SLC14A2: variants seen among roughly 807,000 people sequenced by gnomAD.
SLC14A2 encodes the protein urea transporter 2.
Under a neutral mutation model 104.6 loss-of-function variants are expected in SLC14A2, and 91 were observed. That is an observed-to-expected ratio of 0.87 (90% CI 0.73 to 1.04). The LOEUF is 1.04. Ranked by LOEUF, SLC14A2 falls within the 50% of genes least tolerant of loss-of-function variation. The pLI, the probability that SLC14A2 is intolerant of heterozygous loss-of-function variation, is 0.00. For synonymous variants in SLC14A2, 476 were observed against 466.4 expected, an observed-to-expected ratio of 1.02 and a Z score of -0.27; for missense variants, 1,189 against 1,156.0, an observed-to-expected ratio of 1.03 and a Z score of -0.41.
intron 1 of SLC14A2, among the ~76,000 whole-genome samples, chr18:45,426,596 C>A (rs947800282): frequency 1.3e-5 from 2 of 148,894 alleles, no homozygotes; most frequent in Non-Finnish European, 3.0e-5. Context: ...TATATATACA[C>A]ACATATATGT....
At chr18:45,606,230 C>T (rs1343225066) in intron 2 of SLC14A2, among the ~76,000 whole-genome samples, 1 of 152,152 alleles carries the variant, frequency 6.6e-6, no homozygotes, top group Non-Finnish European at 1.5e-5. Context: ...TATTCCATCC[C>T]TCCCCTCCTC....
At chr18:45,261,911 G>C (rs1008745210) in intron 1 of SLC14A2, among the ~76,000 whole-genome samples, 1 of 152,120 alleles carries the variant, frequency 6.6e-6, no homozygotes, top group Non-Finnish European at 1.5e-5. Flanking sequence ...ATAATCCTTT[G>C]GGTATATACC....
chr18:45,666,044 T>C, intron 11 of SLC14A2, 93 bp from the exon 12 acceptor site: 1 of 863,620 alleles, frequency 1.2e-6, no homozygotes, highest in South Asian at 1.4e-5. Context: ...TACTGCATAA[T>C]CTTAACACCT....
At chr18:45,382,054 T>C (rs540538159) in intron 1 of SLC14A2, among the ~76,000 whole-genome samples, 2 of 152,286 alleles carry the variant, frequency 1.3e-5, no homozygotes, top group East Asian at 3.9e-4. Flanking sequence ...CAACCCAATA[T>C]TCAGGGCCTC....
intron 5 of SLC14A2, among the ~76,000 whole-genome samples, chr18:45,635,142 T>G (rs565709039): frequency 6.6e-6 from 1 of 152,210 alleles, no homozygotes; most frequent in South Asian, 2.1e-4. Flanking sequence ...AGGATACAAA[T>G]CAAGAATTCT....
chr18:45,299,636 A>G (rs1260718546), intron 1 of SLC14A2, among the ~76,000 whole-genome samples: 1 of 152,092 alleles, frequency 6.6e-6, no homozygotes, highest in Admixed American at 6.5e-5. Context: ...TAATTTTTGT[A>G]TTTTTAGTAG....
chr18:45,654,783 A>G (rs576314992), intron 10 of SLC14A2, among the ~76,000 whole-genome samples: 1 of 152,284 alleles, frequency 6.6e-6, no homozygotes, highest in Admixed American at 6.5e-5. Context: ...CTGATGAAAC[A>G]GGCTCATCCA....
intron 2 of SLC14A2, among the ~76,000 whole-genome samples, chr18:45,596,782 A>G (rs1174949636): frequency 1.3e-5 from 2 of 152,242 alleles, no homozygotes; most frequent in Admixed American, 1.3e-4. Context: ...TAATACAGCT[A>G]CAAAGTACCT....
At chr18:45,208,159 A>G (rs1481734519), upstream of SLC14A2, among the ~76,000 whole-genome samples, 1 of 152,218 alleles carries the variant, frequency 6.6e-6, no homozygotes, top group Non-Finnish European at 1.5e-5. Context: ...TCACAAGCCC[A>G]TGGGCACCTA....
chr18:45,483,799 T>A (rs1471066437), intron 2 of SLC14A2, among the ~76,000 whole-genome samples: 4 of 152,192 alleles, frequency 2.6e-5, no homozygotes. Flanking sequence ...TAAGGTCACT[T>A]GCTGATAAAA....
intron 1 of SLC14A2, among the ~76,000 whole-genome samples, chr18:45,255,601 G>A (rs2084469256): frequency 2.0e-5 from 3 of 152,174 alleles, no homozygotes; most frequent in African/African-American, 7.2e-5. Flanking sequence ...ATCTCAAGAT[G>A]TTAGAGTCAA....
intron 1 of SLC14A2, among the ~76,000 whole-genome samples, chr18:45,407,536 C>G (rs1358255601): frequency 1.3e-5 from 2 of 152,184 alleles, no homozygotes; most frequent in African/African-American, 4.8e-5. Context: ...AAGAACTTTT[C>G]CTTTGCATTT....
intron 1 of SLC14A2, among the ~76,000 whole-genome samples, chr18:45,241,677 C>T (rs1302763293): frequency 9.2e-6 from 1 of 108,892 alleles, no homozygotes; most frequent in Non-Finnish European, 1.8e-5. Flanking sequence ...GAGTTTCACT[C>T]TTGTTGCCCA....
rs1397689580 is a variant in SLC14A2, at chr18:45,356,414, C to A, written c.-124-126819C>A. 2.0e-5 allele frequency among the ~76,000 whole-genome samples: 3 copies of A among 152,188 alleles called. No homozygotes were observed. In the East Asian group the frequency reaches 5.8e-4, roughly 29 times the overall value. ...TAAACAGCAAAACCCATCCAACAGACTTTTATCTTATTTAGGGAATTTCCC... is the reference window on the plus strand; with the variant it reads ...TAAACAGCAAAACCCATCCAACAGAATTTTATCTTATTTAGGGAATTTCCC... On this transcript the variant is annotated intron_variant, in intron 1 of 20. Transcript: ENST00000586448.
intron 2 of SLC14A2, among the ~76,000 whole-genome samples, chr18:45,564,720 G>A (rs917463277): frequency 1.3e-5 from 2 of 152,110 alleles, no homozygotes; most frequent in African/African-American, 2.4e-5. Flanking sequence ...ACACGTGACT[G>A]TGTACGTGCA....
chr18:45,393,957 C>G (rs11875263), intron 1 of SLC14A2, among the ~76,000 whole-genome samples: 4 of 152,096 alleles, frequency 2.6e-5, no homozygotes, highest in Non-Finnish European at 5.9e-5. Context: ...GAGATGGGAT[C>G]CAGATTCAGG....
At chr18:45,281,463 C>T (rs1450183226) in intron 1 of SLC14A2, among the ~76,000 whole-genome samples, 3 of 152,174 alleles carry the variant, frequency 2.0e-5, no homozygotes, top group African/African-American at 7.2e-5. Flanking sequence ...TTCCTGCTTT[C>T]AAAGGCCATT....
At chr18:45,229,453 A>T (rs896116169) in intron 1 of SLC14A2, among the ~76,000 whole-genome samples, 1 of 152,014 alleles carries the variant, frequency 6.6e-6, no homozygotes, top group Non-Finnish European at 1.5e-5. Context: ...GCCCTCTCCC[A>T]CTGCCTTCCC....
chr18:45,644,710 G>T lies in SLC14A2; in HGVS notation c.1351+550G>T, dbSNP rs114593771. Among the ~76,000 whole-genome samples the T allele has an allele frequency of 3.4e-3, 523 of 152,246 alleles. 3 individuals are homozygous for T. Among genetic ancestry groups the T allele is most frequent in the African/African-American group, 9.3e-3 (386 of 41,536 alleles). On this transcript the variant is annotated intron_variant, in intron 10 of 19. Coordinates refer to ENST00000255226, the MANE Select transcript of SLC14A2 (RefSeq NM_007163.4). ...TGGGGCAGGGAATTATCTAAATAAGGAGTCTTAACCATTCAGTGGTCTTTG... is the reference window on the plus strand; with the variant it reads ...TGGGGCAGGGAATTATCTAAATAAGTAGTCTTAACCATTCAGTGGTCTTTG...
Sources: allele counts gnomAD v4.1 joint callset (sites outside exome capture counted in the v4.1 genomes callset), GRCh38; gene constraint gnomAD v4.1.1; transcripts MANE v1.5; gene names NCBI Gene and HGNC (gene_info 2026-07-23, HGNC 2026-07-21).